PDE4A: variants seen among roughly 807,000 people sequenced by gnomAD.
PDE4A encodes the protein 3',5'-cyclic-AMP phosphodiesterase 4A.
A neutral mutation model predicts 73.9 loss-of-function variants in PDE4A; 21 were observed. The observed-to-expected ratio is 0.28, with a 90% CI of 0.20 to 0.41. PDE4A has a LOEUF of 0.41. PDE4A is among the 10% of genes least tolerant of loss of function. The pLI is 1.00. For synonymous variants in PDE4A, 463 were observed against 505.4 expected, an observed-to-expected ratio of 0.92 and a Z score of 1.13; for missense variants, 958 against 1,211.4, an observed-to-expected ratio of 0.79 and a Z score of 3.10.
intron 11 of PDE4A, 84 bp downstream of exon 11, chr19:10,461,187 G>A: frequency 1.3e-6 from 2 of 1,523,148 alleles, no homozygotes; most frequent in Admixed American, 2.0e-5. Flanking sequence ...TAGGCTGGAG[G>A]AGGGGCTGGC....
At chr19:10,437,259 G>A (rs1423228436) in intron 1 of PDE4A, among the ~76,000 whole-genome samples, 1 of 152,076 alleles carries the variant, frequency 6.6e-6, no homozygotes, top group Non-Finnish European at 1.5e-5. Context: ...GAGTAGCTGA[G>A]ATCACAGGCG....
chr19:10,417,706 C>T (rs762499528), upstream of PDE4A: 1 of 1,594,924 alleles, frequency 6.3e-7, no homozygotes, highest in Admixed American at 1.7e-5. Flanking sequence ...ATGCTGGGGG[C>T]CGACCTGCGT....
chr19:10,432,567 G>A (rs983390034), intron 1 of PDE4A: 2 of 1,522,604 alleles, frequency 1.3e-6, no homozygotes, highest in Non-Finnish European at 1.8e-6. Context: ...GGGCAGATCT[G>A]TCAGGTGGGT....
chr19:10,428,343 G>A (rs2042743713), intron 1 of PDE4A, among the ~76,000 whole-genome samples: 1 of 150,504 alleles, frequency 6.6e-6, no homozygotes, highest in African/African-American at 2.5e-5. Context: ...CGATGACAGA[G>A]TGAGATCCTG....
In PDE4A at chr19:10,420,627, G is replaced by A; in HGVS notation, c.-138G>A. The stretch of plus-strand genomic sequence containing the variant: ...GGCGATTGGCCCGCAGCGCCCCCGG[G>A]TCTGTCCCCGGGGCGCCATGGCCCT... On this transcript the variant is annotated 5_prime_UTR_variant, in exon 1 of 15. Coordinates refer to ENST00000380702, the MANE Select transcript of PDE4A (RefSeq NM_001111307.2). The surrounding 1 kb of genome is among the most constrained non-coding windows in gnomAD (Gnocchi z 6.0). 7.5e-7 allele frequency: 1 copy of A among 1,329,312 alleles called. No individual in the cohort carries two copies. The highest frequency in any genetic ancestry group is 9.6e-7 in the Non-Finnish European group (1 of 1,045,896). 82.3% of individuals were successfully genotyped at this position (1,329,312 alleles called of 1,614,324 possible).
At chr19:10,444,134 A>G (rs2042973189) in intron 1 of PDE4A, among the ~76,000 whole-genome samples, 1 of 152,090 alleles carries the variant, frequency 6.6e-6, no homozygotes, top group Non-Finnish European at 1.5e-5. Context: ...TAATCACAGC[A>G]CTTTGGGAGG....
intron 1 of PDE4A, 172 bp from the exon 2 acceptor site, chr19:10,446,046 C>G (rs1275461041): frequency 9.8e-6 from 5 of 511,424 alleles, no homozygotes; most frequent in Non-Finnish European, 1.3e-5. Flanking sequence ...TCATGTTGGC[C>G]AGGCTGGTCT....
chr19:10,431,119 T>TC, intron 1 of PDE4A: 2 of 1,431,396 alleles, frequency 1.4e-6, no homozygotes, highest in Non-Finnish European at 1.8e-6. Flanking sequence ...TGGGTTCAAG[T>TC]CGCCCCTGGC....
chr19:10,421,174 G>A, intron 1 of PDE4A, 90 bp downstream of exon 1: 1 of 1,337,610 alleles, frequency 7.5e-7, no homozygotes, highest in South Asian at 1.9e-5. Context: ...GCGCTAGGAT[G>A]CGGGTGGGGT....
intron 7 of PDE4A, among the ~76,000 whole-genome samples, chr19:10,457,426 G>T (rs1169394086): frequency 2.0e-5 from 2 of 98,712 alleles, no homozygotes; most frequent in Non-Finnish European, 4.5e-5. Context: ...TGGTGCCAAG[G>T]TGGGCGGGGG....
chr19:10,452,262 A>T (rs2043102931), intron 6 of PDE4A, among the ~76,000 whole-genome samples: 2 of 151,188 alleles, frequency 1.3e-5, no homozygotes, highest in African/African-American at 2.4e-5. Context: ...GCATGGAGAA[A>T]CCCCGTCTCT....
At chr19:10,459,926 G>A (rs138235004) in intron 10 of PDE4A, among the ~76,000 whole-genome samples, 167 bp downstream of exon 10, 1 of 151,990 alleles carries the variant, frequency 6.6e-6, no homozygotes, top group Non-Finnish European at 1.5e-5. Flanking sequence ...TGCCACCCAG[G>A]CTAGAGTGCA....
chr19:10,459,905 G>A (rs533504212), intron 10 of PDE4A, 146 bp downstream of exon 10: 2 of 1,002,990 alleles, frequency 2.0e-6, no homozygotes, highest in East Asian at 2.7e-5. Flanking sequence ...TTTTGAGACG[G>A]AGTCTTGCTC....
At chr19:10,418,925 G>A (rs1444052354), upstream of PDE4A, 1 of 985,118 alleles carries the variant, frequency 1.0e-6, no homozygotes, top group Non-Finnish European at 1.2e-6. Flanking sequence ...GAGAAGTGGG[G>A]AACACAGTTT....
At chr19:10,430,415 G>C (rs373783178) in intron 1 of PDE4A, among the ~76,000 whole-genome samples, 1 of 151,800 alleles carries the variant, frequency 6.6e-6, no homozygotes, top group Admixed American at 6.6e-5. Flanking sequence ...CCCGGGATTT[G>C]GGGGGGTACC....
intron 7 of PDE4A, 122 bp downstream of exon 7, chr19:10,455,044 G>A (rs1368657939): frequency 1.1e-6 from 1 of 901,612 alleles, no homozygotes; most frequent in Admixed American, 2.1e-5. Context: ...ACTCCCCAAA[G>A]GTCACAGTCA....
intron 8 of PDE4A, 149 bp from the exon 9 acceptor site, chr19:10,459,251 G>A (rs756074393): frequency 2.2e-6 from 3 of 1,389,552 alleles, no homozygotes; most frequent in South Asian, 2.7e-5. Flanking sequence ...AGTAGGACGA[G>A]GGCAGTACAT....
intron 6 of PDE4A, among the ~76,000 whole-genome samples, chr19:10,452,020 GGTGTGTGTGTGTGTGTGT>G (rs58194674): frequency 2.9e-5 from 4 of 140,096 alleles, no homozygotes; most frequent in Non-Finnish European, 6.2e-5. Flanking sequence ...TTTCTGCAAT[GGTGTGTGTGTGTGTGTGT>G]GTGTGTGTGT....
intron 7 of PDE4A, 49 bp downstream of exon 7, chr19:10,454,971 A>G (rs755439556): frequency 6.3e-7 from 1 of 1,577,566 alleles, no homozygotes; most frequent in Non-Finnish European, 8.7e-7. Flanking sequence ...TTTGGGGTAG[A>G]GAGGGGGCTG....
Sources: gnomAD v4.1 joint callset for allele counts (sites outside exome capture counted in the v4.1 genomes callset) on GRCh38, gnomAD v4.1.1 for gene constraint, Gnocchi (gnomAD v3.1) non-coding constraint, MANE v1.5 for transcripts, NCBI Gene and HGNC (gene_info 2026-07-23, HGNC 2026-07-21) for gene names.